ARFGEF1: variants seen among roughly 807,000 people sequenced by gnomAD.
The protein encoded by ARFGEF1 is brefeldin A-inhibited guanine nucleotide-exchange protein 1.
Under a neutral mutation model 231.0 loss-of-function variants are expected in ARFGEF1, and 42 were observed. That is an observed-to-expected ratio of 0.18 (90% CI 0.14 to 0.24). ARFGEF1 has a LOEUF of 0.24. ARFGEF1 is among the 10% of genes least tolerant of loss of function. The pLI is 1.00. For synonymous variants in ARFGEF1, 710 were observed against 732.3 expected, an observed-to-expected ratio of 0.97 and a Z score of 0.49; for missense variants, 1,345 against 2,192.0, an observed-to-expected ratio of 0.61 and a Z score of 7.72.
intron 1 of ARFGEF1, among the ~76,000 whole-genome samples, chr8:67,319,153 A>G (rs1387774408): frequency 6.6e-6 from 1 of 152,232 alleles, no homozygotes; most frequent in African/African-American, 2.4e-5. Flanking sequence ...AGATTTCCCC[A>G]AAATTATCTG....
At chr8:67,204,185 T>C (rs1199983340) in intron 35 of ARFGEF1, among the ~76,000 whole-genome samples, 2 of 151,602 alleles carry the variant, frequency 1.3e-5, no homozygotes. Context: ...CATTCTCTCT[T>C]CTCTCTCTCT....
rs745759865 is a variant in ARFGEF1 at position 67,343,322 on chromosome 8, C to CGCGGCTCCCA, written c.-45_-36dup. The CGCGGCTCCCA allele has an allele frequency of 2.0e-5, 32 of 1,599,870 alleles. No homozygotes were observed. The highest frequency in any genetic ancestry group is 2.7e-5 in the Non-Finnish European group (32 of 1,171,360). ...GAAGGAGGCGGCGGCTCGTCCGACC[C>CGCGGCTCCCA]GCGGCTCCCAGCGGCTGGAGGGGAG... is the stretch of plus-strand genomic sequence containing the variant. On this transcript the variant is annotated 5_prime_UTR_variant, in exon 1 of 39. Coordinates refer to ENST00000262215, the MANE Select transcript of ARFGEF1 (RefSeq NM_006421.5).
Position 67,218,151 on chromosome 8 carries a change from G to T in ARFGEF1, c.4339-13C>A. The T allele has an allele frequency of 7.6e-7, 1 of 1,307,390 alleles. No individual in the cohort carries two copies. Among genetic ancestry groups the T allele is most frequent in the Non-Finnish European group, 9.9e-7 (1 of 1,010,060 alleles). 81.0% of individuals were successfully genotyped at this position (1,307,390 alleles called of 1,614,324 possible). ...TCCATTCAGCTTTCTGGGGAAAAAA[G>T]TCATTAATGAACATCACGCCATTAA... On this transcript the variant is annotated splice_polypyrimidine_tract_variant and intron_variant, in intron 30 of 38. Coordinates refer to ENST00000262215, the MANE Select transcript of ARFGEF1 (RefSeq NM_006421.5).
chr8:67,317,218 ACCACAAT>A (rs1013440120), intron 1 of ARFGEF1, among the ~76,000 whole-genome samples: 8 of 152,144 alleles, frequency 5.3e-5, no homozygotes, highest in Admixed American at 1.3e-4. Flanking sequence ...TTATAACAAA[ACCACAAT>A]CCTGAAATAG....
intron 13 of ARFGEF1, 22 bp downstream of exon 13, chr8:67,266,854 A>T: frequency 6.3e-7 from 1 of 1,581,598 alleles, no homozygotes; most frequent in African/African-American, 1.4e-5. Context: ...ACAAAGAATT[A>T]CAGCTCAAAA....
Position 67,267,003 on chromosome 8 carries a change from A to C in ARFGEF1, c.1813-19T>G. 1.2e-6 allele frequency: 2 copies of C among 1,608,908 alleles called. No individual in the cohort carries two copies. The highest frequency in any genetic ancestry group is 1.3e-5 in the African/African-American group (1 of 74,618). ...TCAATTCCTACAAAGTAATTCAAAA[A>C]CAAAATTTTTTTTAAAGGTCTTTTA... On this transcript the variant is annotated intron_variant, in intron 12 of 38. Transcript: ENST00000262215.
intron 1 of ARFGEF1, among the ~76,000 whole-genome samples, chr8:67,334,383 A>G (rs1193783206): frequency 2.0e-5 from 3 of 152,162 alleles, no homozygotes; most frequent in Admixed American, 6.5e-5. Context: ...CAGTGTTTCA[A>G]TGAAGTAACA....
chr8:67,185,114 AAAAC>A lies in ARFGEF1; in HGVS notation c.561-9546_561-9543del, dbSNP rs1183674096. ...AGCAAGACTCCGTCTCAAAAAAAAA[AAAAC>A]AAAAACAAACAAACAAACAAACAAA... is the stretch of plus-strand genomic sequence containing the variant. On this transcript the variant is annotated intron_variant, in intron 5 of 5. Transcript: ENST00000518789. Among the ~76,000 whole-genome samples the A allele has an allele frequency of 7.1e-4, 107 of 150,710 alleles. 3 individuals carry two copies. In the East Asian group the frequency reaches 0.017, roughly 25 times the overall value.
At chr8:67,308,903 T>C (rs1299194323) in intron 1 of ARFGEF1, among the ~76,000 whole-genome samples, 1 of 152,184 alleles carries the variant, frequency 6.6e-6, no homozygotes, top group African/African-American at 2.4e-5. Context: ...ACTTTTTTAA[T>C]TGTAAAAATA....
intron 1 of ARFGEF1, among the ~76,000 whole-genome samples, chr8:67,342,091 C>A (rs944342828): frequency 2.6e-5 from 4 of 152,194 alleles, no homozygotes; most frequent in Non-Finnish European, 5.9e-5. Flanking sequence ...TTTCCCCTTT[C>A]AAGAATGCTT....
chr8:67,279,858 CAGTT>C lies in ARFGEF1; in HGVS notation c.1028-2405_1028-2402del, dbSNP rs1805465264. On this transcript the variant is annotated intron_variant, in intron 7 of 38. Coordinates refer to ENST00000262215, the MANE Select transcript of ARFGEF1 (RefSeq NM_006421.5). The stretch of plus-strand genomic sequence containing the variant: ...TGAGATATACAGGAAGCACTTAATA[CAGTT>C]AGTATTATTAACTGTCTCATGTTTT... 2.0e-5 allele frequency among the ~76,000 whole-genome samples: 3 copies of C among 152,214 alleles called. No homozygotes were observed. The South Asian group carries it at 6.2e-4, about 32-fold the overall frequency.
intron 9 of ARFGEF1, among the ~76,000 whole-genome samples, chr8:67,273,651 T>G: frequency 6.6e-6 from 1 of 152,160 alleles, no homozygotes; most frequent in Non-Finnish European, 1.5e-5. Context: ...AATAATATTA[T>G]GGCTCATTAT....
At chr8:67,265,971 T>C (rs781450311) in intron 14 of ARFGEF1, 35 bp downstream of exon 14, 17 of 1,601,152 alleles carry the variant, frequency 1.1e-5, no homozygotes, top group African/African-American at 4.0e-5. Flanking sequence ...CAGAGAGATA[T>C]TCAATAACAT....
intron 30 of ARFGEF1, among the ~76,000 whole-genome samples, chr8:67,218,891 A>G (rs1839049526): frequency 6.6e-6 from 1 of 152,244 alleles, no homozygotes; most frequent in South Asian, 2.1e-4. Context: ...TGAGGAAAAG[A>G]AACGAAAAAG....
intron 34 of ARFGEF1, among the ~76,000 whole-genome samples, chr8:67,209,290 A>T (rs1254710333): frequency 6.6e-6 from 1 of 152,206 alleles, no homozygotes; most frequent in East Asian, 1.9e-4. Context: ...CTACAACATG[A>T]TGCGTCTTGA....
chr8:67,251,341 A>G lies in ARFGEF1; in HGVS notation c.2808T>C (p.Phe936=). 6.2e-7 allele frequency: 1 copy of G among 1,611,450 alleles called. No individual in the cohort carries two copies. Among genetic ancestry groups the G allele is most frequent in the Non-Finnish European group, 8.5e-7 (1 of 1,178,664 alleles). ...MEAVSHVQAP[F]TSATHLEHVR... ...CATGCTCCAAATGTGTTGCACTTGT[A>G]AAGGGTGCCTGAACATGGCTCACGG... is the stretch of plus-strand genomic sequence containing the variant. The change falls in exon 19 of 39, where the codon TTT becomes TTC. Residue 936 remains phenylalanine (F), a synonymous_variant. Coordinates refer to ENST00000262215, the MANE Select transcript of ARFGEF1 (RefSeq NM_006421.5).
At chr8:67,174,064 A>G (rs942164788), downstream of ARFGEF1, 6 of 152,148 alleles carry the variant, frequency 3.9e-5, no homozygotes, top group African/African-American at 9.7e-5. Context: ...GGGGTCCTCA[A>G]TTTTTAAGAG....
intron 10 of ARFGEF1, among the ~76,000 whole-genome samples, chr8:67,271,234 TATTA>T (rs2128896312): frequency 6.6e-6 from 1 of 151,822 alleles, no homozygotes; most frequent in African/African-American, 2.4e-5. Flanking sequence ...ACAAAGCAAA[TATTA>T]ATTTTTTCAA....
intron 29 of ARFGEF1, among the ~76,000 whole-genome samples, chr8:67,223,839 G>A (rs1369027686): frequency 6.6e-6 from 1 of 152,052 alleles, no homozygotes; most frequent in Non-Finnish European, 1.5e-5. Context: ...GCTGAAATGG[G>A]GCTATCTTGA....
Sources: allele counts gnomAD v4.1 joint callset (sites outside exome capture counted in the v4.1 genomes callset), GRCh38; gene constraint gnomAD v4.1.1; transcripts MANE v1.5; gene names NCBI Gene and HGNC (gene_info 2026-07-23, HGNC 2026-07-21).